Variants in CEMIP observed in about 807,000 individuals in gnomAD.
The protein encoded by CEMIP is cell migration-inducing and hyaluronan-binding protein.
Under a neutral mutation model 156.9 loss-of-function variants are expected in CEMIP, and 105 were observed. The ratio of observed to expected loss-of-function variants is 0.67; its 90% CI spans 0.57 to 0.79. The LOEUF (loss-of-function observed/expected upper bound fraction) is 0.79. CEMIP is among the 30% of genes least tolerant of loss of function. The pLI is 0.00. For missense variants in CEMIP, 1,457 were observed against 1,769.4 expected (o/e 0.82, Z 3.17); for synonymous variants, 676 against 668.4 (o/e 1.01, Z -0.17).
chr15:80,861,000 T>C (rs1897971234), intron 1 of CEMIP, among the ~76,000 whole-genome samples: 1 of 152,016 alleles, frequency 6.6e-6, no homozygotes, highest in Admixed American at 6.6e-5. Flanking sequence ...TCTCTGTAGC[T>C]CTTTGTGTGA....
chr15:80,896,136 A>G lies in CEMIP; in HGVS notation c.1411+76A>G, dbSNP rs1361353497. 5.6e-6 allele frequency: 8 copies of G among 1,419,220 alleles called. No individual in the cohort carries two copies. In the East Asian group the frequency reaches 1.4e-4, roughly 24 times the overall value. 87.9% of individuals were successfully genotyped at this position (1,419,220 alleles called of 1,614,324 possible). On this transcript the variant is annotated intron_variant, in intron 12 of 29. Coordinates refer to ENST00000394685, the MANE Select transcript of CEMIP (RefSeq NM_001293298.2). The stretch of plus-strand genomic sequence containing the variant: ...AGGCTTAAAGTAAACTGAAGTTACA[A>G]CAAATCTGTATCAGTCAGCTATGGC...
chr15:80,921,997 C>T lies in CEMIP; in HGVS notation c.2074-12C>T. ...AACGCTGTGGCTTTTCCCTTGTGTC[C>T]TTCCCCAACAGGAAACTGGATTTTG... On this transcript the variant is annotated splice_polypyrimidine_tract_variant and intron_variant, in intron 16 of 29. Coordinates refer to ENST00000394685, the MANE Select transcript of CEMIP (RefSeq NM_001293298.2). 6.2e-7 allele frequency: 1 copy of T among 1,614,114 alleles called. No homozygotes were observed. The highest frequency in any genetic ancestry group is 8.5e-7 in the Non-Finnish European group (1 of 1,179,986).
At chr15:80,872,831 T>A (rs982081605) in intron 1 of CEMIP, among the ~76,000 whole-genome samples, 2 of 152,070 alleles carry the variant, frequency 1.3e-5, no homozygotes, top group Non-Finnish European at 1.5e-5. Context: ...TAAAATAAAA[T>A]AATAAAATAA....
chr15:80,926,748 A>G (rs921727876), intron 19 of CEMIP, among the ~76,000 whole-genome samples: 12 of 149,682 alleles, frequency 8.0e-5, no homozygotes, highest in African/African-American at 2.8e-4. Context: ...GGCCAAAAAT[A>G]AACAATAAAT....
intron 1 of CEMIP, among the ~76,000 whole-genome samples, chr15:80,864,376 T>C (rs976987880): frequency 2.0e-5 from 3 of 152,210 alleles, no homozygotes; most frequent in African/African-American, 7.2e-5. Context: ...CATCTGAAGA[T>C]GCAGTTCTAC....
intron 12 of CEMIP, among the ~76,000 whole-genome samples, chr15:80,900,596 G>GTGTGTGTC (rs1899449987): frequency 1.7e-5 from 2 of 116,898 alleles, no homozygotes; most frequent in African/African-American, 6.7e-5. Flanking sequence ...GTGTGTGTGT[G>GTGTGTGTC]TGTGTGTGTG....
At chr15:80,883,653 C>T (rs1156754215) in intron 6 of CEMIP, among the ~76,000 whole-genome samples, 2 of 152,184 alleles carry the variant, frequency 1.3e-5, no homozygotes, top group African/African-American at 2.4e-5. Context: ...TGGATCTCTG[C>T]AAGTAACTCT....
chr15:80,838,287 C>A (rs572649138), intron 1 of CEMIP, among the ~76,000 whole-genome samples: 20 of 152,158 alleles, frequency 1.3e-4, no homozygotes, highest in Admixed American at 2.6e-4. Flanking sequence ...CAGGACCCTC[C>A]TTCCTGGCAG....
chr15:80,911,810 A>C (rs1024097815), intron 14 of CEMIP, among the ~76,000 whole-genome samples: 2 of 152,184 alleles, frequency 1.3e-5, no homozygotes, highest in African/African-American at 2.4e-5. Context: ...GCGGCACAAG[A>C]ATGGCTGGTG....
intron 1 of CEMIP, among the ~76,000 whole-genome samples, chr15:80,810,786 T>A (rs963712870): frequency 1.3e-5 from 2 of 148,298 alleles, no homozygotes; most frequent in East Asian, 4.0e-4. Flanking sequence ...AGTATATCTA[T>A]CCATGTTATC....
chr15:80,818,784 T>C (rs866447097), intron 1 of CEMIP, among the ~76,000 whole-genome samples: 2 of 152,204 alleles, frequency 1.3e-5, no homozygotes, highest in African/African-American at 2.4e-5. Context: ...GAAAGAGTTG[T>C]AATTGATTAA....
chr15:80,926,636 A>G (rs1475379128), intron 19 of CEMIP, among the ~76,000 whole-genome samples: 3 of 152,090 alleles, frequency 2.0e-5, no homozygotes, highest in Non-Finnish European at 4.4e-5. Context: ...AAACTGACTT[A>G]GCATTGGAGC....
chr15:80,942,129 C>G, intron 26 of CEMIP, 76 bp downstream of exon 26: 2 of 1,526,572 alleles, frequency 1.3e-6, no homozygotes, highest in South Asian at 2.2e-5. Context: ...CCAGTCGGGC[C>G]CAGACCCAAT....
intron 1 of CEMIP, among the ~76,000 whole-genome samples, chr15:80,798,902 C>A (rs904978159): frequency 6.6e-6 from 1 of 152,174 alleles, no homozygotes; most frequent in Admixed American, 6.5e-5. Context: ...AGTTCTTTGA[C>A]CTGTCTCAAA....
chr15:80,831,926 G>A (rs1457015608), intron 1 of CEMIP, among the ~76,000 whole-genome samples: 1 of 152,210 alleles, frequency 6.6e-6, no homozygotes, highest in Admixed American at 6.5e-5. Flanking sequence ...TGGAGCTGCA[G>A]GGGAAAGGTG....
At position 80,932,173 on chromosome 15, in the gene CEMIP, C is replaced by G. The variant is rs1190861488; in HGVS notation, c.2793+134C>G. 2 of 1,029,250 alleles carry G rather than the reference C, an allele frequency of 1.9e-6. No individual in the cohort carries two copies. Among genetic ancestry groups the G allele is most frequent in the Non-Finnish European group, 1.5e-6 (1 of 678,104 alleles). The allele number at this position is 1,029,250 out of a possible 1,614,324, so 63.8% of individuals were successfully genotyped here. On this transcript the variant is annotated intron_variant, in intron 22 of 29. Coordinates refer to ENST00000394685, the MANE Select transcript of CEMIP (RefSeq NM_001293298.2). This position sits in a 1 kb window ranked among gnomAD's most constrained non-coding sequence, Gnocchi z 4.5. ...GAAGCCTCCTCCAACTAGGCTGGGC[C>G]ATGTCCCAGTTTGCTCTTCATCCAA...
chr15:80,932,985 C>T lies in CEMIP; in HGVS notation c.2794-260C>T, dbSNP rs1900980602. Among the ~76,000 whole-genome samples, 1 of 152,216 alleles carries T rather than the reference C, an allele frequency of 6.6e-6. No individual in the cohort carries two copies. The highest frequency in any genetic ancestry group is 2.4e-5 in the African/African-American group (1 of 41,448). ...TGTGTGTCAGAGCAGTCTCCAAGCT[C>T]ATCCACAGCAGCCAACCCTCCAGTG... On this transcript the variant is annotated intron_variant, in intron 22 of 29. Transcript: ENST00000394685. The surrounding 1 kb of genome is among the most constrained non-coding windows in gnomAD (Gnocchi z 4.5).
At chr15:80,909,059 C>T in intron 13 of CEMIP, 38 bp from the exon 14 acceptor site, 1 of 1,599,248 alleles carries the variant, frequency 6.3e-7, no homozygotes, top group Non-Finnish European at 8.6e-7. Flanking sequence ...CACAAAGCAT[C>T]TCATGGGCTC....
intron 24 of CEMIP, among the ~76,000 whole-genome samples, chr15:80,937,307 G>A (rs745308124): frequency 6.6e-6 from 1 of 152,216 alleles, no homozygotes; most frequent in Non-Finnish European, 1.5e-5. Flanking sequence ...GAGGCCGAGG[G>A]CATCTGGATA....
Sources: gnomAD v4.1 joint callset for allele counts (sites outside exome capture counted in the v4.1 genomes callset) on GRCh38, gnomAD v4.1.1 for gene constraint, Gnocchi (gnomAD v3.1) non-coding constraint, MANE v1.5 for transcripts, NCBI Gene and HGNC (gene_info 2026-07-23, HGNC 2026-07-21) for gene names.